Variants in PEX1 observed in about 807,000 individuals in gnomAD.
PEX1 encodes the protein peroxisomal biogenesis factor 1, also known as peroxisomal ATPase PEX1.
A neutral mutation model predicts 152.5 loss-of-function variants in PEX1; 97 were observed. That is an observed-to-expected ratio of 0.64 (90% CI 0.54 to 0.75). The LOEUF is 0.75. PEX1 is among the 30% of genes least tolerant of loss of function. The pLI, the probability that PEX1 is intolerant of heterozygous loss-of-function variation, is 0.00. For synonymous variants in PEX1, 485 were observed against 531.6 expected (o/e 0.91, Z 1.21); for missense variants, 1,357 against 1,516.3 (o/e 0.89, Z 1.74).
At chr7:92,505,572 A>G (rs1365139832) in intron 11 of PEX1, among the ~76,000 whole-genome samples, 4 of 152,252 alleles carry the variant, frequency 2.6e-5, no homozygotes, top group African/African-American at 9.6e-5. Flanking sequence ...GTAAGGGATC[A>G]AGATTCATTT....
At position 92,516,008 on chromosome 7, in the gene PEX1, AAAGAGAAGAGAAGAG is replaced by A. The variant is rs770569979; in HGVS notation, c.1239+1253_1239+1267del. On this transcript the variant is annotated intron_variant, in intron 5 of 23. Transcript: ENST00000248633. ...GCTTCTAACTCAAAAAAAGAAAAGAAAAGAGAAGAGAAGAGAAGAGAAGAGAAGAGAAGAGAAGAG... is the reference window on the plus strand; with the variant it reads ...GCTTCTAACTCAAAAAAAGAAAAGAAAAGAGAAGAGAAGAGAAGAGAAGAG... Among the ~76,000 whole-genome samples the A allele has an allele frequency of 5.0e-3, 519 of 103,478 alleles. 10 individuals are homozygous for A. The highest frequency in any genetic ancestry group is 0.014 in the East Asian group (46 of 3,228). 67.9% of individuals were successfully genotyped at this position (103,478 alleles called of 152,430 possible).
At chr7:92,499,940 AAT>A in intron 15 of PEX1, 102 bp from the exon 16 acceptor site, 1 of 841,314 alleles carries the variant, frequency 1.2e-6, no homozygotes, top group South Asian at 1.5e-5. Flanking sequence ...TTCAGATGGT[AAT>A]CACGACCATC....
At chr7:92,490,810 TA>T (rs1162914134) in intron 21 of PEX1, among the ~76,000 whole-genome samples, 1 of 152,230 alleles carries the variant, frequency 6.6e-6, no homozygotes, top group Non-Finnish European at 1.5e-5. Context: ...TGCCCACATT[TA>T]ATCAAAACAC....
intron 5 of PEX1, among the ~76,000 whole-genome samples, chr7:92,516,008 A>AAAGAAAAGAAAAGAG (rs1452002272): frequency 9.7e-6 from 1 of 103,506 alleles, no homozygotes; most frequent in African/African-American, 3.6e-5. Context: ...AAAGAAAAGA[A>AAAGAAAAGAAAAGAG]AAGAGAAGAG....
At chr7:92,489,195 A>AAATATTTTG in intron 23 of PEX1, 98 bp downstream of exon 23, 2 of 1,127,182 alleles carry the variant, frequency 1.8e-6, no homozygotes, top group Non-Finnish European at 2.6e-6. Context: ...TAAATATTCA[A>AAATATTTTG]AATATTTTTA....
At chr7:92,528,070 G>A (rs1793374194) in intron 1 of PEX1, among the ~76,000 whole-genome samples, 1 of 152,260 alleles carries the variant, frequency 6.6e-6, no homozygotes, top group Non-Finnish European at 1.5e-5. Context: ...AGAATATTAG[G>A]ACGTTTCTAG....
At chr7:92,503,412 G>A (rs543568520) in intron 12 of PEX1, among the ~76,000 whole-genome samples, 1 of 152,230 alleles carries the variant, frequency 6.6e-6, no homozygotes, top group African/African-American at 2.4e-5. Context: ...AAGAGGTACT[G>A]CAAACTCAGA....
chr7:92,505,273 T>C (rs1303052422), intron 11 of PEX1, among the ~76,000 whole-genome samples: 1 of 151,646 alleles, frequency 6.6e-6, no homozygotes, highest in Non-Finnish European at 1.5e-5. Context: ...ATTAGCCAGG[T>C]GTGGTGGCAT....
At chr7:92,489,658 G>A in intron 22 of PEX1, 56 bp downstream of exon 22, 12 of 1,478,996 alleles carry the variant, frequency 8.1e-6, no homozygotes, top group Non-Finnish European at 1.1e-5. Context: ...ATATCAAAAG[G>A]GTGAAACAAT....
In PEX1 at chr7:92,509,328, C is replaced by T. The variant is rs1057517490; in HGVS notation, c.1670+1G>A. Reference sequence around the variant, plus strand: ...ATGCTAGTTTGGCCATAACTTCTTACCCCAAAGAGCTCAGCTTTAAAAAAG... The same window carrying T: ...ATGCTAGTTTGGCCATAACTTCTTATCCCAAAGAGCTCAGCTTTAAAAAAG... On this transcript the variant is annotated splice_donor_variant, in intron 9 of 23. Coordinates refer to ENST00000248633, the MANE Select transcript of PEX1 (RefSeq NM_000466.3). LOFTEE classifies it high-confidence loss of function. The T allele has an allele frequency of 6.2e-7, 1 of 1,606,470 alleles. No homozygotes were observed. Among genetic ancestry groups the T allele is most frequent in the Non-Finnish European group, 8.5e-7 (1 of 1,173,502 alleles).
In PEX1 at chr7:92,518,237, G is replaced by T; in HGVS notation, c.376C>A (p.Leu126Ile). 6.2e-7 allele frequency: 1 copy of T among 1,610,140 alleles called. No homozygotes were observed. The change falls in exon 4 of 24, where the codon CTT becomes ATT. Residue 126 changes from leucine to isoleucine, a missense_variant. By Grantham distance (5) the Leu-to-Ile change is conservative. Transcript: ENST00000248633. ...WEILELHAVS[L>I]EQHLLDQIRI... ...ATTTGATCTAGAAGATGTTGTTCAA[G>T]GGAAACAGCATGCAGCTCCTAGAAC...
In PEX1 at chr7:92,518,979, A is replaced by T; in HGVS notation, c.357+16T>A. ...TTTAACCTTAAATGAGATAGTTCTT[A>T]TTTGGTTTTCTTTACCAGTATCTCC... On this transcript the variant is annotated intron_variant, in intron 3 of 23. Transcript: ENST00000248633. The T allele has an allele frequency of 6.4e-7, 1 of 1,563,270 alleles. No homozygotes were observed. The highest frequency in any genetic ancestry group is 8.8e-7 in the Non-Finnish European group (1 of 1,133,870).
intron 5 of PEX1, 35 bp from the exon 6 acceptor site, chr7:92,514,002 T>C: frequency 1.5e-6 from 2 of 1,335,308 alleles, no homozygotes; most frequent in Non-Finnish European, 2.1e-6. Context: ...TATAAATATA[T>C]TCAAAGCTTG....
At chr7:92,520,127 C>A (rs1428829905) in intron 2 of PEX1, among the ~76,000 whole-genome samples, 1 of 151,782 alleles carries the variant, frequency 6.6e-6, no homozygotes, top group Non-Finnish European at 1.5e-5. Flanking sequence ...CACTTCAAAG[C>A]AAATGGGAGT....
In PEX1 at chr7:92,494,537, C is replaced by T. The variant is rs773206107; in HGVS notation, c.2876G>A (p.Arg959Gln). ...RGHDNTGVTD[R>Q]VVNQLLTQLD... ...CTGAGTCAGCAACTGGTTAACTACT[C>T]GGTCTGTAACTCCTGTATTATCATG... The change falls in exon 18 of 24, where the codon CGA (arginine) becomes CAA (glutamine). Residue 959 changes from arginine to glutamine, a missense_variant. Transcript: ENST00000248633. 40 of 1,613,736 alleles carry T rather than the reference C, an allele frequency of 2.5e-5. No individual in the cohort carries two copies. The highest frequency in any genetic ancestry group is 2.0e-4 in the Admixed American group (12 of 59,988).
intron 2 of PEX1, among the ~76,000 whole-genome samples, chr7:92,520,198 T>G (rs1000825007): frequency 2.0e-5 from 3 of 152,192 alleles, no homozygotes; most frequent in African/African-American, 7.2e-5. Flanking sequence ...AAGTTGATGT[T>G]GCCCACAGGG....
In PEX1 at chr7:92,491,495, C is replaced by T; in HGVS notation, c.3215G>A (p.Ser1072Asn). 1 of 1,599,890 alleles carries T rather than the reference C, an allele frequency of 6.3e-7. No individual in the cohort carries two copies. The highest frequency in any genetic ancestry group is 1.1e-5 in the South Asian group (1 of 90,826). Residue 1072 changes from serine (S) to asparagine (N), a missense_variant, in exon 21 of 24, where the codon AGT (serine) becomes AAT (asparagine). Physicochemically the swap from Ser to Asn is conservative, Grantham distance 46. Transcript: ENST00000248633. ...ACTTAGGTCACTATCAGAGCTGGAA[C>T]TTCCATCCTAAAATACACAAAAGGA... ...MLLSSGLQDG[S>N]SSSDSDLSLS...
rs772314318 is a variant in PEX1 at position 92,528,398 on chromosome 7, C to T, written c.38G>A (p.Gly13Asp). 3 of 1,595,912 alleles carry T rather than the reference C, an allele frequency of 1.9e-6. No individual in the cohort carries two copies. In the Admixed American group the frequency reaches 5.2e-5, roughly 28 times the overall value. The change falls in exon 1 of 24, where the codon GGC becomes GAC. Residue 13 changes from glycine (G) to aspartate (D), a missense_variant. Transcript: ENST00000248633. Reference protein sequence around the residue: ...GSDRLAGAGGGGAAVTVAFTN... With the variant: ...GSDRLAGAGGDGAAVTVAFTN... ...GAAGGCCACAGTCACTGCCGCCCCG[C>T]CTCCCCCAGCACCCGCCAGGCGATC...
chr7:92,527,393 T>C lies in PEX1; in HGVS notation c.129+914A>G, dbSNP rs571815462. Among the ~76,000 whole-genome samples the C allele has an allele frequency of 5.9e-5, 9 of 152,294 alleles. No individual in the cohort carries two copies. The East Asian group carries it at 1.5e-3, about 26-fold the overall frequency. ...ATAAAGCCCATCAAAAACCAAAAGA[T>C]TGTCTACTTAGTGGTAAAAAATAAT... On this transcript the variant is annotated intron_variant, in intron 1 of 23. Transcript: ENST00000248633.
Sources: gnomAD v4.1 joint callset for allele counts (sites outside exome capture counted in the v4.1 genomes callset) on GRCh38, gnomAD v4.1.1 for gene constraint, MANE v1.5 for transcripts, NCBI Gene and HGNC (gene_info 2026-07-23, HGNC 2026-07-21) for gene names.